Variants in PRKAR1A observed in about 807,000 individuals in gnomAD.
PRKAR1A encodes the protein protein kinase cAMP-dependent type I regulatory subunit alpha.
Under a neutral mutation model 52.0 loss-of-function variants are expected in PRKAR1A, and 3 were observed. The observed-to-expected ratio is 0.06, with a 90% confidence interval of 0.03 to 0.15. PRKAR1A has a LOEUF of 0.15. Ranked by LOEUF, PRKAR1A falls within the 10% of genes least tolerant of loss-of-function variation. PRKAR1A has a pLI of 1.00. For synonymous variants in PRKAR1A, 188 were observed against 168.4 expected, an observed-to-expected ratio of 1.12 and a Z score of -0.90; for missense variants, 240 against 477.4, an observed-to-expected ratio of 0.50 and a Z score of 4.63.
chr17:68,527,464 G>A (rs900329860), intron 7 of PRKAR1A: 3 of 214,606 alleles, frequency 1.4e-5, no homozygotes, highest in Admixed American at 1.1e-4. Flanking sequence ...ATCAGTTTGA[G>A]AGTAAACATG....
chr17:68,427,393 A>G, the PRKAR1A span: 7 of 632,338 alleles, frequency 1.1e-5, no homozygotes, highest in South Asian at 1.2e-4. Context: ...GTCTTGCTCT[A>G]TTGCCCAGGC....
the PRKAR1A span, among the ~76,000 whole-genome samples, chr17:68,432,591 G>A: frequency 3.5e-3 from 539 of 152,076 alleles, 6 homozygotes; most frequent in African/African-American, 0.013. Context: ...GTGTTAGCAT[G>A]TATCAGCGTG....
At chr17:68,539,867 A>G in intron 11 of PRKAR1A, 2 of 1,612,776 alleles carry the variant, frequency 1.2e-6, no homozygotes, top group Non-Finnish European at 8.5e-7. Flanking sequence ...ATTGTTGAAC[A>G]CACGTGGGGA....
the PRKAR1A span, among the ~76,000 whole-genome samples, chr17:68,485,670 C>T: frequency 6.6e-6 from 1 of 152,138 alleles, no homozygotes; most frequent in Non-Finnish European, 1.5e-5. Flanking sequence ...TCTTGCGAGG[C>T]ATAAAGAATT....
Position 68,523,141 on chromosome 17 carries a change from G to A in PRKAR1A, c.348+215G>A, listed in dbSNP as rs146824054. Among the ~76,000 whole-genome samples, 214 of 152,256 alleles carry A rather than the reference G, an allele frequency of 1.4e-3. 2 individuals are homozygous for A. The highest frequency in any genetic ancestry group is 4.7e-3 in the African/African-American group (195 of 41,542). ...TGAACTAGTGAATAATTGCATTTTG[G>A]GGTTTGTTATTTCCTTGCAGTTGTT... is the stretch of plus-strand genomic sequence containing the variant. On this transcript the variant is annotated intron_variant, in intron 3 of 10. Coordinates refer to ENST00000589228, the MANE Select transcript of PRKAR1A (RefSeq NM_002734.5).
At chr17:68,483,273 G>A in the PRKAR1A span, among the ~76,000 whole-genome samples, 1 of 152,052 alleles carries the variant, frequency 6.6e-6, no homozygotes, top group Non-Finnish European at 1.5e-5. Flanking sequence ...CTGAGGTCAG[G>A]TGTTCAAGAC....
chr17:68,539,987 T>C, intron 11 of PRKAR1A: 1 of 1,611,966 alleles, frequency 6.2e-7, no homozygotes, highest in Non-Finnish European at 8.5e-7. Context: ...GGGGAGGACT[T>C]AGCTGGAACC....
At chr17:68,444,594 A>C in the PRKAR1A span, 2 of 1,611,288 alleles carry the variant, frequency 1.2e-6, no homozygotes, top group African/African-American at 2.7e-5. Flanking sequence ...CAGCCTCTGT[A>C]ATCACACAGA....
At chr17:68,458,213 A>G in the PRKAR1A span, among the ~76,000 whole-genome samples, 1 of 152,202 alleles carries the variant, frequency 6.6e-6, no homozygotes, top group Non-Finnish European at 1.5e-5. Context: ...CGTACTATGT[A>G]TGTCATCTTG....
intron 7 of PRKAR1A, 85 bp downstream of exon 7, chr17:68,525,997 A>T: frequency 6.8e-7 from 1 of 1,480,580 alleles, no homozygotes; most frequent in Non-Finnish European, 9.3e-7. Flanking sequence ...TAAAAAGAGA[A>T]TATTTCTTTT....
chr17:68,526,072 A>T (rs1381948065), intron 7 of PRKAR1A, among the ~76,000 whole-genome samples, 160 bp downstream of exon 7: 1 of 152,208 alleles, frequency 6.6e-6, no homozygotes, highest in African/African-American at 2.4e-5. Context: ...AATACTTTGC[A>T]TTAAGCCCAG....
intron 1 of PRKAR1A, chr17:68,514,809 T>C (rs2085377730): frequency 6.5e-6 from 1 of 153,562 alleles, no homozygotes; most frequent in Non-Finnish European, 1.5e-5. Flanking sequence ...AAGGTTGCTT[T>C]TAAAACTCAT....
chr17:68,455,687 G>C, the PRKAR1A span, among the ~76,000 whole-genome samples: 1 of 152,188 alleles, frequency 6.6e-6, no homozygotes, highest in Non-Finnish European at 1.5e-5. Flanking sequence ...AGGGAGTAAG[G>C]AAATTAACTT....
the PRKAR1A span, among the ~76,000 whole-genome samples, chr17:68,472,482 T>C: frequency 6.6e-6 from 1 of 152,210 alleles, no homozygotes; most frequent in Non-Finnish European, 1.5e-5. Context: ...AATGGAAACG[T>C]AGGGTTTCCT....
At chr17:68,522,608 C>T in intron 2 of PRKAR1A, 148 bp from the exon 3 acceptor site, 3 of 819,804 alleles carry the variant, frequency 3.7e-6, no homozygotes, top group Non-Finnish European at 4.0e-6. Context: ...CTCTTTTTTT[C>T]CCCTTTGGAA....
At position 68,530,021 on chromosome 17, in the gene PRKAR1A, C is replaced by A. The variant is rs1483767664; in HGVS notation, c.973+20C>A. 3.1e-6 allele frequency: 5 copies of A among 1,603,454 alleles called. No individual in the cohort carries two copies. Among genetic ancestry groups the A allele is most frequent in the South Asian group, 1.1e-5 (1 of 90,846 alleles). On this transcript the variant is annotated intron_variant, in intron 10 of 10. Coordinates refer to ENST00000589228, the MANE Select transcript of PRKAR1A (RefSeq NM_002734.5). ...ATTTTGGTATGTATGAATTCCCTCA[C>A]AATAAATACATGGTTTCTTTAAGTC...
rs1568717862 is a variant in PRKAR1A at position 68,539,467 on chromosome 17, C to A, written c.973+9466C>A. On this transcript the variant is annotated intron_variant, in intron 11 of 11. Coordinates refer to the PRKAR1A transcript ENST00000585981. ...GCATTCCCCTGAGGCTTCCTCTCTC[C>A]TCTCAGCATTTTGTGAATCAGAGAT... 7 of 1,379,672 alleles carry A rather than the reference C, an allele frequency of 5.1e-6. No homozygotes were observed. In the South Asian group the frequency reaches 7.0e-5, roughly 14 times the overall value. 85.5% of individuals were successfully genotyped at this position (1,379,672 alleles called of 1,614,324 possible).
At chr17:68,463,723 T>C in the PRKAR1A span, among the ~76,000 whole-genome samples, 1 of 152,160 alleles carries the variant, frequency 6.6e-6, no homozygotes, top group Non-Finnish European at 1.5e-5. Flanking sequence ...TGCAGTCATA[T>C]GGGAAAAAGC....
rs554479987 is a variant in PRKAR1A at position 68,548,605 on chromosome 17, GA to G, written c.974-2475del. 3.3e-5 allele frequency among the ~76,000 whole-genome samples: 5 copies of G among 152,112 alleles called. No homozygotes were observed. The South Asian group carries it at 1.0e-3, about 32-fold the overall frequency. ...ACACAAAGTGGGCACATGCTGTTGG[GA>G]AAATGACACCGATAGACTTGCTTGA... is the stretch of plus-strand genomic sequence containing the variant. On this transcript the variant is annotated intron_variant, in intron 11 of 11. Coordinates refer to the PRKAR1A transcript ENST00000585981.
Sources: gnomAD v4.1 joint callset for allele counts (sites outside exome capture counted in the v4.1 genomes callset) on GRCh38, gnomAD v4.1.1 for gene constraint, MANE v1.5 for transcripts, NCBI Gene and HGNC (gene_info 2026-07-23, HGNC 2026-07-21) for gene names.